Variants in C1GALT1 observed in about 807,000 individuals in gnomAD.
The protein encoded by C1GALT1 is glycoprotein-N-acetylgalactosamine 3-beta-galactosyltransferase 1.
In C1GALT1, 11 loss-of-function variants were observed where a neutral mutation model predicts 31.0. That is an observed-to-expected ratio of 0.36 (90% CI 0.22 to 0.59). C1GALT1 has a LOEUF of 0.59. Among genes scored for constraint, C1GALT1 ranks in the 20% least tolerant of loss-of-function variants. The pLI, the probability that C1GALT1 is intolerant of heterozygous loss-of-function variation, is 0.79. For synonymous variants in C1GALT1, 175 were observed against 143.6 expected (o/e 1.22, Z -1.56); for missense variants, 424 against 425.2 (o/e 1.00, Z 0.03).
intron 1 of C1GALT1, among the ~76,000 whole-genome samples, chr7:7,196,175 T>A (rs1197347955): frequency 6.6e-6 from 1 of 152,064 alleles, no homozygotes; most frequent in Non-Finnish European, 1.5e-5. Context: ...TAACTCATCA[T>A]TTACATTAGG....
intron 1 of C1GALT1, among the ~76,000 whole-genome samples, chr7:7,207,490 C>T (rs554752745): frequency 2.0e-5 from 3 of 151,436 alleles, no homozygotes. Flanking sequence ...TTTTCCATGT[C>T]TTTATTCATA....
chr7:7,158,111 A>G (rs1780293390), intron 2 of C1GALT1, among the ~76,000 whole-genome samples: 1 of 152,190 alleles, frequency 6.6e-6, no homozygotes, highest in Non-Finnish European at 1.5e-5. Context: ...TATTTCTCTG[A>G]TGAATACAGT....
At chr7:7,220,838 T>G (rs1782480162) in intron 1 of C1GALT1, among the ~76,000 whole-genome samples, 1 of 152,170 alleles carries the variant, frequency 6.6e-6, no homozygotes, top group Non-Finnish European at 1.5e-5. Context: ...TCCCTCACAC[T>G]TGTTGCATAG....
At chr7:7,242,493 GATTT>G (rs1411820821) in intron 3 of C1GALT1, among the ~76,000 whole-genome samples, 1 of 151,958 alleles carries the variant, frequency 6.6e-6, no homozygotes, top group Non-Finnish European at 1.5e-5. Context: ...TAAATTATTA[GATTT>G]ATTAAATATT....
intron 1 of C1GALT1, among the ~76,000 whole-genome samples, chr7:7,189,423 C>CAATAACAGCTGTT (rs1370912430): frequency 6.6e-6 from 1 of 152,102 alleles, no homozygotes; most frequent in East Asian, 1.9e-4. Context: ...GTATCTGTGT[C>CAATAACAGCTGTT]AATAACAGCT....
intron 2 of C1GALT1, among the ~76,000 whole-genome samples, chr7:7,158,869 T>G (rs1780302433): frequency 6.6e-6 from 1 of 152,152 alleles, no homozygotes; most frequent in Admixed American, 6.6e-5. Flanking sequence ...GCCTATTGAT[T>G]TTCTTAATGA....
At chr7:7,207,250 A>G (rs538295867) in intron 1 of C1GALT1, among the ~76,000 whole-genome samples, 1 of 133,842 alleles carries the variant, frequency 7.5e-6, no homozygotes, top group South Asian at 2.4e-4. Context: ...TGGATTTTTA[A>G]TTTCATTTAT....
At chr7:7,203,970 C>T (rs1781623191) in intron 1 of C1GALT1, among the ~76,000 whole-genome samples, 1 of 152,030 alleles carries the variant, frequency 6.6e-6, no homozygotes, top group South Asian at 2.1e-4. Context: ...CCCTATGCCT[C>T]CCTTCCCCTT....
intron 1 of C1GALT1, among the ~76,000 whole-genome samples, chr7:7,230,540 TTAATA>T (rs979174088): frequency 3.9e-5 from 6 of 151,986 alleles, no homozygotes; most frequent in Non-Finnish European, 7.4e-5. Flanking sequence ...CTATTTGCTT[TTAATA>T]TAATCATTGA....
chr7:7,172,788 C>T (rs1156811246), intron 2 of C1GALT1, among the ~76,000 whole-genome samples: 2 of 152,184 alleles, frequency 1.3e-5, no homozygotes, highest in Non-Finnish European at 2.9e-5. Flanking sequence ...TTGTTACTAT[C>T]AATGAACCAA....
rs531854175 is a variant in C1GALT1, at chr7:7,192,640, A to T, written c.-18+9820A>T. On this transcript the variant is annotated intron_variant, in intron 1 of 3. Transcript: ENST00000436587. ...GTGTGTTCAAGTGTGTTTTTCGTATAATGACTTCTTTTTCTCTGGGTAGAT... is the reference window on the plus strand; with the variant it reads ...GTGTGTTCAAGTGTGTTTTTCGTATTATGACTTCTTTTTCTCTGGGTAGAT... Among the ~76,000 whole-genome samples the T allele has an allele frequency of 3.3e-4, 50 of 152,106 alleles. 1 individual carries two copies. The South Asian group carries it at 7.9e-3, about 24-fold the overall frequency.
chr7:7,237,634 A>G (rs1220353282), intron 2 of C1GALT1, among the ~76,000 whole-genome samples: 1 of 152,204 alleles, frequency 6.6e-6, no homozygotes, highest in Non-Finnish European at 1.5e-5. Flanking sequence ...GGAATGAGGT[A>G]TGTGACTATC....
chr7:7,183,561 G>A (rs1780685098), intron 1 of C1GALT1: 19 of 985,014 alleles, frequency 1.9e-5, no homozygotes, highest in Non-Finnish European at 2.3e-5. Context: ...GAATTAGTAG[G>A]TGTTGACAAG....
chr7:7,225,040 C>CCACTTAT (rs59100853), intron 1 of C1GALT1, among the ~76,000 whole-genome samples: 74,267 of 151,382 alleles, frequency 0.49, 20,303 homozygotes, highest in African/African-American at 0.75. Context: ...TGTTTAGTTA[C>CCACTTAT]AAGTGAGAAC....
chr7:7,183,561 G>C, intron 1 of C1GALT1: 2 of 985,014 alleles, frequency 2.0e-6, no homozygotes, highest in Non-Finnish European at 2.4e-6. Flanking sequence ...GAATTAGTAG[G>C]TGTTGACAAG....
chr7:7,246,825 C>T lies in C1GALT1; in HGVS notation c.*3098C>T, dbSNP rs561777155. On this transcript the variant is annotated 3_prime_UTR_variant, in exon 4 of 4. Coordinates refer to ENST00000436587, the MANE Select transcript of C1GALT1 (RefSeq NM_020156.5). ...GAAGATTACTGCCCAATTACTAAGACATTTTTCAAAAAGCATGTTTTAAAT... is the reference window on the plus strand; with the variant it reads ...GAAGATTACTGCCCAATTACTAAGATATTTTTCAAAAAGCATGTTTTAAAT... 6.6e-6 allele frequency: 1 copy of T among 152,220 alleles called. No individual in the cohort carries two copies. The highest frequency in any genetic ancestry group is 6.5e-5 in the Admixed American group (1 of 15,284). The allele number at this position is 152,220 out of a possible 1,614,324, so 9.4% of individuals were successfully genotyped here. A position where few individuals can be genotyped will look rare whatever the true frequency, so the allele number is the denominator to read the frequency against.
chr7:7,185,762 A>G lies in C1GALT1; in HGVS notation c.-18+2942A>G, dbSNP rs6651078. On this transcript the variant is annotated intron_variant, in intron 1 of 3. Coordinates refer to ENST00000436587, the MANE Select transcript of C1GALT1 (RefSeq NM_020156.5). ...TTGAAATAAGGTCACGTGCAGAGGT[A>G]CTGGAATTAGGACTTCAACCTATCT... is the stretch of plus-strand genomic sequence containing the variant. 6.4e-4 allele frequency among the ~76,000 whole-genome samples: 98 copies of G among 152,352 alleles called. 2 individuals are homozygous for G. Among genetic ancestry groups the G allele is most frequent in the African/African-American group, 2.1e-3 (87 of 41,580 alleles).
intron 1 of C1GALT1, among the ~76,000 whole-genome samples, chr7:7,196,983 T>C (rs1039809141): frequency 3.9e-5 from 6 of 152,232 alleles, no homozygotes; most frequent in African/African-American, 1.4e-4. Flanking sequence ...TTTCTCCCAT[T>C]GTGTAGGTTG....
upstream of C1GALT1, among the ~76,000 whole-genome samples, chr7:7,180,340 T>C (rs1780556346): frequency 6.6e-6 from 1 of 152,250 alleles, no homozygotes; most frequent in African/African-American, 2.4e-5. Context: ...TTCAAGGAGA[T>C]AATTGCACAA....
Sources: allele counts gnomAD v4.1 joint callset (sites outside exome capture counted in the v4.1 genomes callset), GRCh38; gene constraint gnomAD v4.1.1; transcripts MANE v1.5; gene names NCBI Gene and HGNC (gene_info 2026-07-23, HGNC 2026-07-21).